The following MALRD1 variants were observed in gnomAD, a reference collection of about 807,000 sequenced individuals.
MALRD1 encodes MAM and LDL-receptor class A domain-containing protein 1.
In MALRD1, 247 loss-of-function variants were observed where a neutral mutation model predicts 242.1. That is an observed-to-expected ratio of 1.02 (90% confidence interval 0.92 to 1.13). The LOEUF is 1.13. MALRD1 is among the 50% of genes most tolerant of loss of function. MALRD1 has a pLI of 0.00. For synonymous variants in MALRD1, 995 were observed against 866.6 expected (o/e 1.15, Z -2.60); for missense variants, 2,989 against 2,533.1 (o/e 1.18, Z -3.86).
At chr10:19,583,612 T>C (rs1011167682) in intron 33 of MALRD1, among the ~76,000 whole-genome samples, 100 of 152,272 alleles carry the variant, frequency 6.6e-4, no homozygotes, top group Middle Eastern at 3.4e-3. Context: ...GATGTGCTGC[T>C]GGATTCGGTT....
intron 28 of MALRD1, among the ~76,000 whole-genome samples, chr10:19,416,757 A>G (rs998617594): frequency 1.3e-5 from 2 of 152,268 alleles, no homozygotes; most frequent in African/African-American, 2.4e-5. Context: ...TGAGCCTACA[A>G]ACATCTTAAA....
intron 9 of MALRD1, among the ~76,000 whole-genome samples, chr10:19,135,910 AT>A (rs1373648294): frequency 6.6e-6 from 1 of 152,168 alleles, no homozygotes; most frequent in Non-Finnish European, 1.5e-5. Context: ...ATTTGCTAAT[AT>A]TGCTTATCTC....
chr10:19,498,348 C>T lies in MALRD1; in HGVS notation c.5159-137C>T, dbSNP rs1837815837. The T allele has an allele frequency of 7.9e-6, 6 of 759,110 alleles. No homozygotes were observed. In the East Asian group the frequency reaches 1.6e-4, roughly 21 times the overall value. The allele number at this position is 759,110 out of a possible 1,614,324, so 47.0% of individuals were successfully genotyped here. On this transcript the variant is annotated intron_variant, in intron 30 of 39. Transcript: ENST00000454679. ...TCAATTAAAATATTAACAATGAGTA[C>T]AAATGTCTTGATGCTGTAAGTGTAT... is the stretch of plus-strand genomic sequence containing the variant.
chr10:19,516,320 T>C (rs1833625027), intron 31 of MALRD1, among the ~76,000 whole-genome samples: 3 of 152,222 alleles, frequency 2.0e-5, no homozygotes. Flanking sequence ...AGAACTCTTT[T>C]ACAATTTAAT....
At chr10:19,263,049 T>A (rs1466229207) in intron 19 of MALRD1, among the ~76,000 whole-genome samples, 2 of 152,232 alleles carry the variant, frequency 1.3e-5, no homozygotes, top group Non-Finnish European at 2.9e-5. Flanking sequence ...ACATGTAAGT[T>A]GTTTCCCTAT....
chr10:19,104,138 A>C, intron 5 of MALRD1, 63 bp downstream of exon 5: 1 of 928,380 alleles, frequency 1.1e-6, no homozygotes, highest in Non-Finnish European at 1.4e-6. Flanking sequence ...CAATTTAAAC[A>C]TTGTGATGAC....
At chr10:19,384,371 A>T (rs1845971784) in intron 26 of MALRD1, among the ~76,000 whole-genome samples, 2 of 118,864 alleles carry the variant, frequency 1.7e-5, no homozygotes, top group African/African-American at 3.3e-5. Context: ...TATAGTATAT[A>T]ATATAATATT....
intron 18 of MALRD1, among the ~76,000 whole-genome samples, chr10:19,243,074 T>TTTG (rs1554818746): frequency 4.1e-4 from 60 of 147,358 alleles, no homozygotes; most frequent in South Asian, 1.5e-3. Context: ...TTTTTTTTTT[T>TTTG]TGTGTGTGTA....
chr10:19,446,851 G>A (rs1052839671), intron 28 of MALRD1, among the ~76,000 whole-genome samples: 1 of 152,064 alleles, frequency 6.6e-6, no homozygotes, highest in South Asian at 2.1e-4. Context: ...ATTAAAATCT[G>A]TATATATACA....
chr10:19,471,663 ATT>A lies in MALRD1; in HGVS notation c.5030-19844_5030-19843del, dbSNP rs34743623. 3.7e-3 allele frequency among the ~76,000 whole-genome samples: 509 copies of A among 138,896 alleles called. 5 individuals are homozygous for A. Among genetic ancestry groups the A allele is most frequent in the African/African-American group, 0.012 (465 of 37,882 alleles). The allele number at this position is 138,896 out of a possible 152,430, so 91.1% of individuals were successfully genotyped here. On this transcript the variant is annotated intron_variant, in intron 29 of 39. Coordinates refer to ENST00000454679, the MANE Select transcript of MALRD1 (RefSeq NM_001142308.3). ...TATGCATATATTTCACCTCTGCTTA[ATT>A]TTTTTTTTTGATTCTTTCATAGATG...
intron 26 of MALRD1, among the ~76,000 whole-genome samples, chr10:19,368,302 AG>A (rs2130733851): frequency 6.6e-6 from 1 of 152,118 alleles, no homozygotes; most frequent in Non-Finnish European, 1.5e-5. Context: ...ATAGGCTGAG[AG>A]GCGGGGGCCT....
At chr10:19,574,998 G>A (rs1209973766) in intron 33 of MALRD1, among the ~76,000 whole-genome samples, 1 of 152,218 alleles carries the variant, frequency 6.6e-6, no homozygotes, top group Non-Finnish European at 1.5e-5. Context: ...CCTTGAGTTG[G>A]ATTGGAAAGA....
intron 31 of MALRD1, among the ~76,000 whole-genome samples, chr10:19,506,006 T>C (rs1036544179): frequency 2.0e-5 from 3 of 152,164 alleles, no homozygotes; most frequent in African/African-American, 7.2e-5. Context: ...TAATTGGTCT[T>C]TGCTGTAGCC....
chr10:19,075,004 A>G (rs1396830835), intron 2 of MALRD1, among the ~76,000 whole-genome samples: 1 of 151,992 alleles, frequency 6.6e-6, no homozygotes, highest in Non-Finnish European at 1.5e-5. Flanking sequence ...TACTAATGAA[A>G]TTGGTTTGAA....
intron 29 of MALRD1, among the ~76,000 whole-genome samples, chr10:19,470,882 C>T (rs761534265): frequency 1.5e-4 from 22 of 151,614 alleles, no homozygotes; most frequent in Admixed American, 9.9e-4. Context: ...TCTTGGGTCG[C>T]GTAGGCTGCC....
At chr10:19,732,523 A>G (rs796847362) in intron 39 of MALRD1, among the ~76,000 whole-genome samples, 7 of 152,312 alleles carry the variant, frequency 4.6e-5, no homozygotes, top group African/African-American at 1.7e-4. Flanking sequence ...TTGGCCTCCC[A>G]AAGTGCTGGC....
chr10:19,401,843 C>T (rs934918268), intron 28 of MALRD1, among the ~76,000 whole-genome samples: 7 of 151,746 alleles, frequency 4.6e-5, no homozygotes, highest in Non-Finnish European at 8.8e-5. Flanking sequence ...TTAATCAAAA[C>T]AATCTATTTG....
intron 30 of MALRD1, among the ~76,000 whole-genome samples, chr10:19,494,804 G>A (rs144555421): frequency 9.7e-4 from 148 of 152,230 alleles, no homozygotes; most frequent in Middle Eastern, 3.4e-3. Context: ...TGAATCACTG[G>A]TATCCTTGAA....
At position 19,238,789 on chromosome 10, in the gene MALRD1, C is replaced by T. The variant is rs545595236; in HGVS notation, c.2992-18895C>T. Among the ~76,000 whole-genome samples, 36 of 149,510 alleles carry T rather than the reference C, an allele frequency of 2.4e-4. No individual in the cohort carries two copies. In the East Asian group the frequency reaches 2.8e-3, roughly 11 times the overall value. On this transcript the variant is annotated intron_variant, in intron 18 of 39. Coordinates refer to ENST00000454679, the MANE Select transcript of MALRD1 (RefSeq NM_001142308.3). ...TTTTGTTTTTTTTTAAATTTTTTAA[C>T]GAACTTCCATAAAGTTTTGCTTAAT... is the stretch of plus-strand genomic sequence containing the variant.
Sources: gnomAD v4.1 joint callset for allele counts (sites outside exome capture counted in the v4.1 genomes callset) on GRCh38, gnomAD v4.1.1 for gene constraint, MANE v1.5 for transcripts, NCBI Gene and HGNC (gene_info 2026-07-23, HGNC 2026-07-21) for gene names.